The following RHOBTB3 variants were observed in gnomAD, a reference collection of about 807,000 sequenced individuals.
The protein encoded by RHOBTB3 is rho-related BTB domain-containing protein 3.
A neutral mutation model predicts 67.2 loss-of-function variants in RHOBTB3; 47 were observed. The ratio of observed to expected loss-of-function variants is 0.70; its 90% CI spans 0.55 to 0.89. The LOEUF (loss-of-function observed/expected upper bound fraction) is 0.89. Among genes scored for constraint, RHOBTB3 ranks in the 40% least tolerant of loss-of-function variants. The pLI, the probability that RHOBTB3 is intolerant of heterozygous loss-of-function variation, is 0.00. For synonymous variants in RHOBTB3, 273 were observed against 274.2 expected, an observed-to-expected ratio of 1.00 and a Z score of 0.04; for missense variants, 631 against 750.0, an observed-to-expected ratio of 0.84 and a Z score of 1.85.
At chr5:95,789,989 A>G (rs1746330276) in intron 11 of RHOBTB3, among the ~76,000 whole-genome samples, 1 of 152,228 alleles carries the variant, frequency 6.6e-6, no homozygotes, top group Non-Finnish European at 1.5e-5. Flanking sequence ...TTCTGTCTCT[A>G]AAAGAAAAAA....
chr5:95,770,776 A>G, intron 8 of RHOBTB3: 1 of 216,964 alleles, frequency 4.6e-6, no homozygotes, highest in Non-Finnish European at 9.7e-6. Context: ...TCTCACCAGT[A>G]ACTACAGAGA....
Position 95,795,002 on chromosome 5 carries a change from T to C in RHOBTB3, c.*1828T>C, listed in dbSNP as rs993501501. The C allele has an allele frequency of 2.0e-5, 3 of 150,844 alleles. No homozygotes were observed. The highest frequency in any genetic ancestry group is 2.9e-5 in the Non-Finnish European group (2 of 67,956). 9.3% of individuals were successfully genotyped at this position (150,844 alleles called of 1,614,324 possible). A position where few individuals can be genotyped will look rare whatever the true frequency, so the allele number is the denominator to read the frequency against. ...CTGTAATCCCAGCTACTCAGGAAGC[T>C]GAGGCAGGAAAATCGCTTGAACCTG... is the stretch of plus-strand genomic sequence containing the variant. On this transcript the variant is annotated 3_prime_UTR_variant, in exon 12 of 12. Coordinates refer to ENST00000379982, the MANE Select transcript of RHOBTB3 (RefSeq NM_014899.4).
In RHOBTB3 at chr5:95,763,543, A is replaced by G. The variant is rs748053618; in HGVS notation, c.1084A>G (p.Arg362Gly). The G allele has an allele frequency of 6.2e-7, 1 of 1,612,494 alleles. No individual in the cohort carries two copies. The highest frequency in any genetic ancestry group is 1.7e-5 in the Admixed American group (1 of 59,932). The change falls in exon 7 of 12, where the codon AGG becomes GGG. Residue 362 changes from arginine to glycine, a missense_variant. Physicochemically the swap from Arg to Gly is moderately radical, Grantham distance 125. Transcript: ENST00000379982. ...GTGGGAAGAATTGGAAGAAGATATC[A>G]GGAAGAAGTTGAAAGATTCTGGGGA... ...FQWEELEEDI[R>G]KKLKDSGDVS...
At chr5:95,791,415 T>C (rs3777212) in intron 11 of RHOBTB3, among the ~76,000 whole-genome samples, 118,512 of 152,098 alleles carry the variant, frequency 0.78, 46,974 homozygotes, top group African/African-American at 0.92. Flanking sequence ...TTCTGTGTTA[T>C]GGGGTTTTGT....
intron 2 of RHOBTB3, chr5:95,732,334 T>A (rs1199935824): frequency 1.3e-5 from 8 of 593,288 alleles, no homozygotes; most frequent in Non-Finnish European, 2.4e-5. Context: ...ACTTCACGAC[T>A]GTGGGTTGAC....
intron 6 of RHOBTB3, among the ~76,000 whole-genome samples, chr5:95,759,248 G>A (rs959978114): frequency 1.3e-5 from 2 of 152,248 alleles, no homozygotes; most frequent in Admixed American, 6.5e-5. Context: ...GGCCAAAGCC[G>A]GAGGTGCTGT....
rs1298545323 is a variant in RHOBTB3, at chr5:95,795,963, ACC to A, written c.*2791_*2792del. 5.9e-5 allele frequency: 9 copies of A among 152,160 alleles called. No homozygotes were observed. Among genetic ancestry groups the A allele is most frequent in the Admixed American group, 5.9e-4 (9 of 15,270 alleles). The allele number at this position is 152,160 out of a possible 1,614,324, so 9.4% of individuals were successfully genotyped here. ...TTGGCCAAAGTCTTTACCCTATTTA[ACC>A]CTTTGTATATTTCTGACTGCTCACT... On this transcript the variant is annotated 3_prime_UTR_variant, in exon 12 of 12. Transcript: ENST00000379982.
chr5:95,720,963 T>C (rs1167709491), intron 1 of RHOBTB3, among the ~76,000 whole-genome samples: 1 of 152,240 alleles, frequency 6.6e-6, no homozygotes, highest in East Asian at 1.9e-4. Context: ...GTTCTTCTTA[T>C]GATTTGTCAG....
rs1215316551 is a variant in RHOBTB3, at chr5:95,780,407, A to G, written c.1438A>G (p.Thr480Ala). 7 of 1,613,976 alleles carry G rather than the reference A, an allele frequency of 4.3e-6. No homozygotes were observed. In the Admixed American group the frequency reaches 8.3e-5, roughly 19 times the overall value. Residue 480 changes from threonine (T) to alanine (A), a missense_variant, in exon 9 of 12, where the codon ACA becomes GCA. Thr to Ala is a moderately conservative substitution (Grantham distance 58, BLOSUM62 0). Coordinates refer to ENST00000379982, the MANE Select transcript of RHOBTB3 (RefSeq NM_014899.4). ...TFLSFLEYLY[T>A]DSCCPAGIFQ... is the part of the protein sequence containing the mutation. ...CTTGTCATTTTTAGAATACCTGTAC[A>G]CAGACTCCTGCTGCCCAGGTTAGCA...
chr5:95,788,695 T>G, intron 10 of RHOBTB3, 67 bp from the exon 11 acceptor site: 1 of 1,054,276 alleles, frequency 9.5e-7, no homozygotes, highest in Non-Finnish European at 1.4e-6. Flanking sequence ...CCCAGGCCGT[T>G]CTCTTGATCT....
chr5:95,757,979 T>C (rs1580410750), intron 6 of RHOBTB3, among the ~76,000 whole-genome samples: 1 of 152,204 alleles, frequency 6.6e-6, no homozygotes, highest in South Asian at 2.1e-4. Flanking sequence ...AAAAAGATGT[T>C]TTTAATCATA....
At chr5:95,793,014 A>G (rs766477057) in intron 11 of RHOBTB3, 45 bp from the exon 12 acceptor site, 14 of 1,309,494 alleles carry the variant, frequency 1.1e-5, no homozygotes, top group South Asian at 4.8e-5. Context: ...TAATTGATCC[A>G]TAATAAAACA....
upstream of RHOBTB3, among the ~76,000 whole-genome samples, chr5:95,726,955 C>G (rs1490352139): frequency 6.6e-6 from 1 of 151,810 alleles, no homozygotes; most frequent in Non-Finnish European, 1.5e-5. Context: ...AGCTTAATTT[C>G]GTTTCCCCCC....
intron 1 of RHOBTB3, among the ~76,000 whole-genome samples, chr5:95,724,970 T>C (rs1248251516): frequency 1.3e-5 from 2 of 151,980 alleles, no homozygotes; most frequent in African/African-American, 4.8e-5. Context: ...AGAGAATCAA[T>C]TGAGTCTAGC....
intron 7 of RHOBTB3, among the ~76,000 whole-genome samples, chr5:95,766,789 C>G (rs978256876): frequency 6.6e-6 from 1 of 151,992 alleles, no homozygotes; most frequent in African/African-American, 2.4e-5. Flanking sequence ...CAGCCAGGCG[C>G]GACAGGACAG....
intron 8 of RHOBTB3, among the ~76,000 whole-genome samples, chr5:95,777,462 T>C (rs1455687579): frequency 6.6e-6 from 1 of 152,248 alleles, no homozygotes; most frequent in African/African-American, 2.4e-5. Context: ...CTTAAAATTG[T>C]AACATCAAAT....
intron 6 of RHOBTB3, 74 bp from the exon 7 acceptor site, chr5:95,763,434 T>G (rs1745447266): frequency 1.2e-6 from 1 of 837,812 alleles, no homozygotes; most frequent in African/African-American, 1.7e-5. Flanking sequence ...GGGAATGTTG[T>G]ATTTAATAAG....
At position 95,731,363 on chromosome 5, in the gene RHOBTB3, G is replaced by A. The variant is rs1755236817; in HGVS notation, c.-320G>A. On this transcript the variant is annotated 5_prime_UTR_variant, in exon 1 of 12. Transcript: ENST00000379982. ...CAGGAGGCGACAGCTGCCAGCCGAG[G>A]AGGCGCGGCGGAGAGGGGACTGCGG... 2 of 1,142,426 alleles carry A rather than the reference G, an allele frequency of 1.8e-6. No individual in the cohort carries two copies. The highest frequency in any genetic ancestry group is 2.1e-6 in the Non-Finnish European group (2 of 933,760). The allele number at this position is 1,142,426 out of a possible 1,614,324, so 70.8% of individuals were successfully genotyped here.
chr5:95,763,562 C>T lies in RHOBTB3; in HGVS notation c.1103C>T (p.Ser368Phe). 1 of 1,612,876 alleles carries T rather than the reference C, an allele frequency of 6.2e-7. No homozygotes were observed. Among genetic ancestry groups the T allele is most frequent in the Non-Finnish European group, 8.5e-7 (1 of 1,179,258 alleles). The part of the protein sequence containing the change: ...EEDIRKKLKD[S>F]GDVSNVIEKV... Reference sequence around the variant, plus strand: ...GATATCAGGAAGAAGTTGAAAGATTCTGGGGATGTTTCAAATGTAATCGAG... The same window carrying T: ...GATATCAGGAAGAAGTTGAAAGATTTTGGGGATGTTTCAAATGTAATCGAG... Residue 368 changes from serine to phenylalanine, a missense_variant, in exon 7 of 12, where the codon TCT (serine) becomes TTT (phenylalanine). Ser to Phe is a radical substitution (Grantham distance 155). Transcript: ENST00000379982.
Sources: gnomAD v4.1 joint callset for allele counts (sites outside exome capture counted in the v4.1 genomes callset) on GRCh38, gnomAD v4.1.1 for gene constraint, MANE v1.5 for transcripts, NCBI Gene and HGNC (gene_info 2026-07-23, HGNC 2026-07-21) for gene names.